Variants in CORO2B observed in about 807,000 individuals in gnomAD.
CORO2B encodes the protein coronin 2B.
Under a neutral mutation model 58.8 loss-of-function variants are expected in CORO2B, and 26 were observed. The observed-to-expected ratio is 0.44, with a 90% confidence interval of 0.32 to 0.61. The LOEUF (loss-of-function observed/expected upper bound fraction) is 0.61. Ranked by LOEUF, CORO2B falls within the 20% of genes least tolerant of loss-of-function variation. The pLI, the probability that CORO2B is intolerant of heterozygous loss-of-function variation, is 0.04. For synonymous variants in CORO2B, 242 were observed against 253.8 expected (o/e 0.95, Z 0.44); for missense variants, 460 against 645.1 (o/e 0.71, Z 3.11).
At chr15:68,531,360 G>A in the CORO2B span, among the ~76,000 whole-genome samples, 41 of 151,950 alleles carry the variant, frequency 2.7e-4, no homozygotes, top group African/African-American at 6.3e-4. Context: ...AGCCGAGTGC[G>A]GTGATGTGTG....
At chr15:68,702,668 G>GAAA (rs1892679944) in intron 3 of CORO2B, among the ~76,000 whole-genome samples, 2 of 152,032 alleles carry the variant, frequency 1.3e-5, no homozygotes, top group South Asian at 4.2e-4. Flanking sequence ...TCTCTTCACT[G>GAAA]CAGGAGACAT....
At chr15:68,597,025 C>T (rs1160982988) in intron 1 of CORO2B, among the ~76,000 whole-genome samples, 1 of 152,216 alleles carries the variant, frequency 6.6e-6, no homozygotes, top group Non-Finnish European at 1.5e-5. Flanking sequence ...CCCTCCCCTG[C>T]CAGCCTCACC....
At position 68,579,221 on chromosome 15, in the gene CORO2B, G is replaced by A. The variant is rs1035627139; in HGVS notation, c.-42G>A. On this transcript the variant is annotated 5_prime_UTR_variant, in exon 1 of 12. Coordinates refer to ENST00000261861, the MANE Select transcript of CORO2B (RefSeq NM_006091.5). ...GCCCCGGGCCGCCGCCGCCGCCCCCGCACGCCGCGCCCGCGCCCCCGCTCC... is the reference window on the plus strand; with the variant it reads ...GCCCCGGGCCGCCGCCGCCGCCCCCACACGCCGCGCCCGCGCCCCCGCTCC... 1 of 1,073,728 alleles carries A rather than the reference G, an allele frequency of 9.3e-7. No homozygotes were observed. Among genetic ancestry groups the A allele is most frequent in the Non-Finnish European group, 1.1e-6 (1 of 890,084 alleles). The allele number at this position is 1,073,728 out of a possible 1,614,324, so 66.5% of individuals were successfully genotyped here.
At position 68,595,880 on chromosome 15, in the gene CORO2B, G is replaced by A. The variant is rs1481809291; in HGVS notation, c.15+16603G>A. 2.0e-5 allele frequency among the ~76,000 whole-genome samples: 3 copies of A among 152,190 alleles called. No individual in the cohort carries two copies. In the East Asian group the frequency reaches 5.8e-4, roughly 29 times the overall value. On this transcript the variant is annotated intron_variant, in intron 1 of 11. Transcript: ENST00000261861. ...CCGAGGGACCCTGGTGAGACGGAGC[G>A]GGCGTCTGGGAGGAGGAGGTGTTGG...
At chr15:68,673,107 G>T (rs963771431) in intron 2 of CORO2B, among the ~76,000 whole-genome samples, 2 of 152,138 alleles carry the variant, frequency 1.3e-5, no homozygotes, top group Non-Finnish European at 2.9e-5. Context: ...AACCTAAGCC[G>T]GTAGGTGGGT....
At chr15:68,671,902 A>T (rs1047138860) in intron 2 of CORO2B, among the ~76,000 whole-genome samples, 1 of 152,194 alleles carries the variant, frequency 6.6e-6, no homozygotes, top group African/African-American at 2.4e-5. Flanking sequence ...AGGAGGTGAG[A>T]TTACAGGAGA....
chr15:68,579,289 T>C lies in CORO2B; in HGVS notation c.15+12T>C. 7.8e-7 allele frequency: 1 copy of C among 1,284,142 alleles called. No individual in the cohort carries two copies. Among genetic ancestry groups the C allele is most frequent in the Non-Finnish European group, 9.9e-7 (1 of 1,011,592 alleles). 79.5% of individuals were successfully genotyped at this position (1,284,142 alleles called of 1,614,324 possible). On this transcript the variant is annotated intron_variant, in intron 1 of 11. Coordinates refer to ENST00000261861, the MANE Select transcript of CORO2B (RefSeq NM_006091.5). ...TGACTGTCACAAAGGTAAGCGCCGCTCGCCCGCCGCGCCCGGGACCCGCCG... is the reference window on the plus strand; with the variant it reads ...TGACTGTCACAAAGGTAAGCGCCGCCCGCCCGCCGCGCCCGGGACCCGCCG...
At chr15:68,536,147 G>A in the CORO2B span, among the ~76,000 whole-genome samples, 14,539 of 152,182 alleles carry the variant, frequency 0.096, 817 homozygotes, top group Middle Eastern at 0.13. Context: ...ACTGTATGGC[G>A]TCAGAAACTT....
the CORO2B span, among the ~76,000 whole-genome samples, chr15:68,523,106 T>C: frequency 6.6e-6 from 1 of 152,198 alleles, no homozygotes; most frequent in Non-Finnish European, 1.5e-5. Flanking sequence ...CCTCCAAGAG[T>C]ATAGCCATCC....
chr15:68,584,831 G>A (rs1307666435), intron 1 of CORO2B, among the ~76,000 whole-genome samples: 4 of 152,188 alleles, frequency 2.6e-5, no homozygotes, highest in African/African-American at 9.7e-5. Flanking sequence ...GGGGCAGCTG[G>A]CATGGGGCAG....
chr15:68,575,013 A>C (rs1899253578), upstream of CORO2B, among the ~76,000 whole-genome samples: 1 of 152,082 alleles, frequency 6.6e-6, no homozygotes. Context: ...AGGCTACCCC[A>C]CCTCTGAGCT....
intron 2 of CORO2B, among the ~76,000 whole-genome samples, chr15:68,673,409 T>C: frequency 6.6e-6 from 1 of 151,920 alleles, no homozygotes; most frequent in Non-Finnish European, 1.5e-5. Flanking sequence ...GTCCGGCTAC[T>C]TGGGAGGCTG....
chr15:68,642,291 G>T (rs992002839), intron 1 of CORO2B, among the ~76,000 whole-genome samples: 6 of 152,142 alleles, frequency 3.9e-5, no homozygotes, highest in Admixed American at 3.9e-4. Context: ...TTGAATCTAG[G>T]TGTGCGTGGC....
chr15:68,605,881 C>T (rs1900107676), intron 1 of CORO2B, among the ~76,000 whole-genome samples: 1 of 152,042 alleles, frequency 6.6e-6, no homozygotes, highest in African/African-American at 2.4e-5. Context: ...CCCGCCACCA[C>T]ACTCAGCTAA....
At chr15:68,719,265 G>A in intron 10 of CORO2B, 31 bp downstream of exon 10, 3 of 1,608,474 alleles carry the variant, frequency 1.9e-6, no homozygotes, top group Non-Finnish European at 2.6e-6. Flanking sequence ...ACAGAGCACA[G>A]GCGGCTGCAG....
At position 68,726,101 on chromosome 15, in the gene CORO2B, C is replaced by T. The variant is rs1041048655; in HGVS notation, c.*127C>T. On this transcript the variant is annotated 3_prime_UTR_variant, in exon 12 of 12. Transcript: ENST00000261861. ...GTGGGGGCCAGCCTGAGGACCCCCG[C>T]CTACCACCTCGAGAACTGGAAGCCA... The T allele has an allele frequency of 4.0e-6, 5 of 1,257,254 alleles. No homozygotes were observed. In the African/African-American group the frequency reaches 7.6e-5, roughly 19 times the overall value. 77.9% of individuals were successfully genotyped at this position (1,257,254 alleles called of 1,614,324 possible).
chr15:68,686,207 T>G (rs959432328), intron 2 of CORO2B, among the ~76,000 whole-genome samples: 2 of 147,154 alleles, frequency 1.4e-5, no homozygotes, highest in African/African-American at 4.9e-5. Context: ...TGGCTAATTT[T>G]GTAGTTTTGG....
At chr15:68,698,616 C>T (rs1237358069) in intron 3 of CORO2B, among the ~76,000 whole-genome samples, 1 of 152,154 alleles carries the variant, frequency 6.6e-6, no homozygotes, top group Non-Finnish European at 1.5e-5. Flanking sequence ...TGCTGGGGTC[C>T]AAAGAGGGAT....
intron 2 of CORO2B, among the ~76,000 whole-genome samples, chr15:68,683,982 T>C (rs186211628): frequency 1.3e-5 from 2 of 149,082 alleles, no homozygotes; most frequent in Non-Finnish European, 3.0e-5. Context: ...AAGGTCTAGA[T>C]AGTAGGGACC....
Sources: gnomAD v4.1 joint callset for allele counts (sites outside exome capture counted in the v4.1 genomes callset) on GRCh38, gnomAD v4.1.1 for gene constraint, MANE v1.5 for transcripts, NCBI Gene and HGNC (gene_info 2026-07-23, HGNC 2026-07-21) for gene names.